Variants in COG7 observed in about 807,000 individuals in gnomAD.
COG7 encodes the protein component of oligomeric golgi complex 7.
In COG7, 49 loss-of-function variants were observed where a neutral mutation model predicts 91.5. The ratio of observed to expected loss-of-function variants is 0.54; its 90% CI spans 0.43 to 0.68. The LOEUF (loss-of-function observed/expected upper bound fraction) is 0.68. Ranked by LOEUF, COG7 falls within the 30% of genes least tolerant of loss-of-function variation. The probability of loss-of-function intolerance (pLI) is 0.00; values close to 1 mark genes in which losing one functional copy is unlikely to be tolerated. For missense variants in COG7, 895 were observed against 961.3 expected (o/e 0.93, Z 0.91); for synonymous variants, 365 against 388.7 (o/e 0.94, Z 0.72).
chr16:23,397,297 G>A (rs933748538), intron 14 of COG7, among the ~76,000 whole-genome samples: 8 of 152,344 alleles, frequency 5.3e-5, no homozygotes, highest in African/African-American at 9.6e-5. Context: ...AGGCAAGAGC[G>A]TAAGGCAGAA....
chr16:23,412,235 TAATCGTATCACTATTAGCCC>T (rs1456173275), intron 10 of COG7: 1 of 152,222 alleles, frequency 6.6e-6, no homozygotes, highest in African/African-American at 2.4e-5. Flanking sequence ...TCTGAGAGCC[TAATCGTATCACTATTAGCCC>T]ACTTGGGAGA....
intron 6 of COG7, among the ~76,000 whole-genome samples, chr16:23,433,079 C>T (rs547377579): frequency 6.6e-6 from 1 of 152,198 alleles, no homozygotes; most frequent in Admixed American, 6.5e-5. Context: ...AAACTTAAAC[C>T]ATTTAACTGG....
chr16:23,396,198 G>A (rs904204675), intron 14 of COG7, among the ~76,000 whole-genome samples: 5 of 152,164 alleles, frequency 3.3e-5, no homozygotes, highest in South Asian at 2.1e-4. Context: ...ATCAGCCTCC[G>A]TACAGCTCAG....
At chr16:23,403,891 A>T in intron 12 of COG7, 57 bp from the exon 13 acceptor site, 14 of 1,608,680 alleles carry the variant, frequency 8.7e-6, no homozygotes, top group Non-Finnish European at 1.2e-5. Flanking sequence ...CCCAAGTATT[A>T]GCTAGTTAAC....
At chr16:23,427,633 C>T (rs758893261) in intron 6 of COG7, among the ~76,000 whole-genome samples, 1 of 152,180 alleles carries the variant, frequency 6.6e-6, no homozygotes, top group Non-Finnish European at 1.5e-5. Flanking sequence ...ACTGACCTCC[C>T]CAGACCTGCT....
intron 4 of COG7, among the ~76,000 whole-genome samples, chr16:23,439,200 A>G (rs1964060008): frequency 6.7e-6 from 1 of 148,222 alleles, no homozygotes; most frequent in South Asian, 2.2e-4. Flanking sequence ...TGATCCAGCA[A>G]TTCCACTTCT....
chr16:23,413,762 C>T lies in COG7; in HGVS notation c.1293-198G>A, dbSNP rs1412521714. The T allele has an allele frequency of 5.7e-6, 3 of 525,108 alleles. No homozygotes were observed. In the African/African-American group the frequency reaches 5.8e-5, roughly 10 times the overall value. 32.5% of individuals were successfully genotyped at this position (525,108 alleles called of 1,614,324 possible). A position where few individuals can be genotyped will look rare whatever the true frequency, so the allele number is the denominator to read the frequency against. Reference sequence around the variant, plus strand: ...CTATGTGGCAAGACTGTCTTCACCACCTGGTTGAGCAGTTTCTAAAAGAGA... The same window carrying T: ...CTATGTGGCAAGACTGTCTTCACCATCTGGTTGAGCAGTTTCTAAAAGAGA... On this transcript the variant is annotated intron_variant, in intron 9 of 16. Transcript: ENST00000307149.
At chr16:23,410,211 T>C in intron 11 of COG7, 84 bp downstream of exon 11, 1 of 1,067,550 alleles carries the variant, frequency 9.4e-7, no homozygotes, top group Non-Finnish European at 1.4e-6. Context: ...TGGCATATGC[T>C]GTCCTTGCTG....
chr16:23,425,961 C>A (rs577094701), intron 6 of COG7, among the ~76,000 whole-genome samples: 1 of 152,114 alleles, frequency 6.6e-6, no homozygotes, highest in Non-Finnish European at 1.5e-5. Flanking sequence ...TGCCTGTAAT[C>A]CCAGCACTTT....
chr16:23,421,678 G>A (rs1963758014), intron 7 of COG7, among the ~76,000 whole-genome samples: 1 of 151,674 alleles, frequency 6.6e-6, no homozygotes, highest in Admixed American at 6.6e-5. Flanking sequence ...GTGAGGGGAT[G>A]GCAACACAGG....
intron 15 of COG7, 26 bp downstream of exon 15, chr16:23,393,207 C>T (rs753971465): frequency 2.7e-5 from 41 of 1,543,636 alleles, no homozygotes; most frequent in Non-Finnish European, 3.3e-5. Flanking sequence ...TGACTTGTAA[C>T]ATCGCCAGAA....
At chr16:23,428,684 TTTC>T (rs1963886869) in intron 6 of COG7, among the ~76,000 whole-genome samples, 1 of 151,282 alleles carries the variant, frequency 6.6e-6, no homozygotes, top group Non-Finnish European at 1.5e-5. Context: ...AATGTGGTTG[TTTC>T]TTTTCTTTTT....
intron 8 of COG7, among the ~76,000 whole-genome samples, 198 bp downstream of exon 8, chr16:23,418,502 C>T (rs1207182186): frequency 2.0e-5 from 3 of 152,132 alleles, no homozygotes; most frequent in Non-Finnish European, 4.4e-5. Context: ...GATGGAGACT[C>T]TGTCTCAATC....
intron 6 of COG7, among the ~76,000 whole-genome samples, chr16:23,430,687 G>A (rs567148188): frequency 2.0e-5 from 3 of 151,720 alleles, no homozygotes; most frequent in African/African-American, 4.8e-5. Context: ...GATTACAGGC[G>A]CCTGCCACCA....
chr16:23,396,989 A>G (rs1353113048), intron 14 of COG7, among the ~76,000 whole-genome samples: 1 of 152,058 alleles, frequency 6.6e-6, no homozygotes, highest in Non-Finnish European at 1.5e-5. Context: ...AGCTCACTGC[A>G]GCGTCGACCT....
chr16:23,432,963 G>A lies in COG7; in HGVS notation c.810+582C>T, dbSNP rs186092151. Among the ~76,000 whole-genome samples the A allele has an allele frequency of 3.2e-3, 489 of 152,226 alleles. 1 individual carries two copies. The highest frequency in any genetic ancestry group is 4.1e-3 in the Non-Finnish European group (281 of 68,032). ...CAGGCTCCCTTGCTGGACAACAGGC[G>A]GCATTGTCACATTAGGTCCTATTTA... is the stretch of plus-strand genomic sequence containing the variant. On this transcript the variant is annotated intron_variant, in intron 6 of 16. Coordinates refer to ENST00000307149, the MANE Select transcript of COG7 (RefSeq NM_153603.4).
At chr16:23,389,417 ACACT>A (rs1229562416) in intron 16 of COG7, among the ~76,000 whole-genome samples, 4 of 150,916 alleles carry the variant, frequency 2.7e-5, no homozygotes, top group South Asian at 2.1e-4. Flanking sequence ...ACTCGCACAC[ACACT>A]CACATGTACA....
At chr16:23,405,057 A>G (rs540587763) in intron 12 of COG7, among the ~76,000 whole-genome samples, 5 of 152,184 alleles carry the variant, frequency 3.3e-5, no homozygotes, top group African/African-American at 1.2e-4. Context: ...TCTTCTTATG[A>G]CCCTGGAAGC....
intron 6 of COG7, among the ~76,000 whole-genome samples, chr16:23,430,697 A>G (rs1255080889): frequency 6.6e-6 from 1 of 151,796 alleles, no homozygotes; most frequent in African/African-American, 2.4e-5. Context: ...GCCTGCCACC[A>G]CGGCTAGCTA....
Sources: allele counts gnomAD v4.1 joint callset (sites outside exome capture counted in the v4.1 genomes callset), GRCh38; gene constraint gnomAD v4.1.1; transcripts MANE v1.5; gene names NCBI Gene and HGNC (gene_info 2026-07-23, HGNC 2026-07-21).